Variants in HLCS observed in about 807,000 individuals in gnomAD.
HLCS encodes holocarboxylase synthetase, also known as biotin--protein ligase.
In HLCS, 53 loss-of-function variants were observed where a neutral mutation model predicts 75.0. That is an observed-to-expected ratio of 0.71 (90% confidence interval 0.57 to 0.89). The LOEUF is 0.89. HLCS is among the 40% of genes least tolerant of loss of function. The pLI, the probability that HLCS is intolerant of heterozygous loss-of-function variation, is 0.00. For missense variants in HLCS, 966 were observed against 1,074.0 expected (o/e 0.90, Z 1.41); for synonymous variants, 431 against 428.6 (o/e 1.01, Z -0.07).
At chr21:36,794,602 G>T (rs1399229548) in intron 6 of HLCS, among the ~76,000 whole-genome samples, 3 of 152,214 alleles carry the variant, frequency 2.0e-5, no homozygotes, top group Admixed American at 2.0e-4. Context: ...GCAGGTCATA[G>T]TAAGAACTCT....
Position 36,896,959 on chromosome 21 carries a change from A to C in HLCS, c.1793T>G (p.Phe598Cys), listed in dbSNP as rs1194221419. Residue 598 changes from phenylalanine (F) to cysteine (C), a missense_variant, in exon 6 of 11, where the codon TTC (phenylalanine) becomes TGC (cysteine). Transcript: ENST00000674895. ...TNMEAFSSEH[F>C]NLEIYRQNLQ... ...ATTTTGGCGATAGATCTCTAAGTTGAAATGTTCTGATGAGAAGGCCTCCAT... is the reference window on the plus strand; with the variant it reads ...ATTTTGGCGATAGATCTCTAAGTTGCAATGTTCTGATGAGAAGGCCTCCAT... The C allele has an allele frequency of 6.2e-7, 1 of 1,614,158 alleles. No individual in the cohort carries two copies. Among genetic ancestry groups the C allele is most frequent in the East Asian group, 2.2e-5 (1 of 44,886 alleles).
chr21:36,865,910 GT>G (rs2063538015), intron 6 of HLCS, among the ~76,000 whole-genome samples: 1 of 152,144 alleles, frequency 6.6e-6, no homozygotes, highest in Non-Finnish European at 1.5e-5. Context: ...GCCTGAGCTT[GT>G]AAAAGCTCAA....
chr21:36,823,610 G>GGTGT (rs59724760), intron 6 of HLCS, among the ~76,000 whole-genome samples: 2,190 of 132,800 alleles, frequency 0.016, 21 homozygotes, highest in African/African-American at 0.025. Flanking sequence ...AAACGTGCAG[G>GGTGT]GTGTGTGTGT....
At chr21:36,950,637 ATT>A (rs11345329) in intron 2 of HLCS, among the ~76,000 whole-genome samples, 8 of 149,922 alleles carry the variant, frequency 5.3e-5, no homozygotes, top group South Asian at 2.1e-4. Flanking sequence ...GCCTGGCTAA[ATT>A]TTTTTTTTTT....
chr21:36,873,155 G>C (rs955873523), intron 6 of HLCS, among the ~76,000 whole-genome samples: 1 of 150,442 alleles, frequency 6.6e-6, no homozygotes. Flanking sequence ...GTCTCGCTCT[G>C]TCGCCAGGCT....
At chr21:36,759,912 G>T in intron 8 of HLCS, 71 bp from the exon 9 acceptor site, 1 of 951,020 alleles carries the variant, frequency 1.1e-6, no homozygotes, top group Admixed American at 1.7e-5. Flanking sequence ...ACTGAGCTAA[G>T]GGAAGATAAG....
At chr21:36,933,623 C>T (rs185203833) in intron 4 of HLCS, among the ~76,000 whole-genome samples, 11 of 142,864 alleles carry the variant, frequency 7.7e-5, no homozygotes, top group African/African-American at 1.8e-4. Flanking sequence ...TACCTCTCCT[C>T]TCCGGTGGAC....
intron 5 of HLCS, among the ~76,000 whole-genome samples, chr21:36,914,732 G>A (rs2065857906): frequency 6.6e-6 from 1 of 152,234 alleles, no homozygotes; most frequent in Non-Finnish European, 1.5e-5. Flanking sequence ...GGCTCTAACG[G>A]CGAGGGCGGC....
At chr21:36,836,460 C>A (rs1374485548) in intron 6 of HLCS, among the ~76,000 whole-genome samples, 1 of 107,514 alleles carries the variant, frequency 9.3e-6, no homozygotes, top group African/African-American at 3.6e-5. Context: ...TATCCCTCCC[C>A]CCTCCCCCCA....
chr21:36,886,692 C>T (rs1446918753), intron 6 of HLCS, among the ~76,000 whole-genome samples: 1 of 152,172 alleles, frequency 6.6e-6, no homozygotes, highest in Non-Finnish European at 1.5e-5. Context: ...GTGTTGAAAT[C>T]CCAGCCCCCA....
At chr21:36,848,093 T>C (rs544717695) in intron 6 of HLCS, among the ~76,000 whole-genome samples, 1 of 152,268 alleles carries the variant, frequency 6.6e-6, no homozygotes, top group East Asian at 1.9e-4. Flanking sequence ...CATCCACATA[T>C]ATAAAACTTT....
chr21:36,970,778 G>T (rs1420865326), upstream of HLCS, among the ~76,000 whole-genome samples: 1 of 152,082 alleles, frequency 6.6e-6, no homozygotes, highest in African/African-American at 2.4e-5. Flanking sequence ...AGATCACGAG[G>T]TCAGGAGATC....
intron 5 of HLCS, among the ~76,000 whole-genome samples, chr21:36,905,088 AT>A (rs2065395568): frequency 6.6e-6 from 1 of 152,232 alleles, no homozygotes; most frequent in Non-Finnish European, 1.5e-5. Context: ...TATAGCACTT[AT>A]CACGACTATA....
intron 6 of HLCS, among the ~76,000 whole-genome samples, chr21:36,798,323 G>A (rs1162233998): frequency 6.6e-6 from 1 of 152,198 alleles, no homozygotes. Context: ...CACCCATGCT[G>A]TCACACAAAT....
chr21:36,800,633 C>T (rs1041745188), intron 6 of HLCS, among the ~76,000 whole-genome samples: 2 of 152,184 alleles, frequency 1.3e-5, no homozygotes, highest in Middle Eastern at 3.2e-3. Flanking sequence ...ACCAAAATGG[C>T]AGGGCTGGGA....
At chr21:36,870,163 G>A (rs984510822) in intron 6 of HLCS, among the ~76,000 whole-genome samples, 1 of 152,120 alleles carries the variant, frequency 6.6e-6, no homozygotes, top group East Asian at 1.9e-4. Flanking sequence ...TCTCGCCCCA[G>A]TACTGCTATT....
intron 1 of HLCS, among the ~76,000 whole-genome samples, chr21:36,972,439 G>A (rs1371532248): frequency 6.6e-6 from 1 of 152,104 alleles, no homozygotes; most frequent in Non-Finnish European, 1.5e-5. Flanking sequence ...CATGTGTCGT[G>A]CCTGGCCTCA....
intron 9 of HLCS, 45 bp downstream of exon 9, chr21:36,759,682 T>C (rs745960696): frequency 7.0e-5 from 78 of 1,115,798 alleles, no homozygotes; most frequent in Non-Finnish European, 9.9e-5. Context: ...ATTTTTATTG[T>C]TTTATTAATC....
At chr21:36,903,898 T>C (rs760159869) in intron 5 of HLCS, among the ~76,000 whole-genome samples, 7 of 152,142 alleles carry the variant, frequency 4.6e-5, no homozygotes, top group Non-Finnish European at 1.0e-4. Flanking sequence ...AATGGGGTCA[T>C]CAGGGTAGGG....
Sources: allele counts gnomAD v4.1 joint callset (sites outside exome capture counted in the v4.1 genomes callset), GRCh38; gene constraint gnomAD v4.1.1; transcripts MANE v1.5; gene names NCBI Gene and HGNC (gene_info 2026-07-23, HGNC 2026-07-21).